Variants in SNTG1 observed in about 807,000 individuals in gnomAD.
SNTG1 encodes syntrophin gamma 1.
A neutral mutation model predicts 74.7 loss-of-function variants in SNTG1; 39 were observed. The ratio of observed to expected loss-of-function variants is 0.52; its 90% CI spans 0.40 to 0.68. The LOEUF is 0.68. Ranked by LOEUF, SNTG1 falls within the 30% of genes least tolerant of loss-of-function variation. The pLI, the probability that SNTG1 is intolerant of heterozygous loss-of-function variation, is 0.00. For synonymous variants in SNTG1, 254 were observed against 217.1 expected (o/e 1.17, Z -1.49); for missense variants, 685 against 609.5 (o/e 1.12, Z -1.30).
intron 2 of SNTG1, among the ~76,000 whole-genome samples, chr8:50,374,200 C>T (rs2092328348): frequency 6.6e-6 from 1 of 152,146 alleles, no homozygotes; most frequent in Admixed American, 6.5e-5. Flanking sequence ...TCTTAAATTC[C>T]CTTTAGGCAA....
intron 15 of SNTG1, among the ~76,000 whole-genome samples, chr8:50,686,990 C>T (rs1215537769): frequency 2.0e-5 from 3 of 150,850 alleles, no homozygotes; most frequent in African/African-American, 7.3e-5. Context: ...AAAAAATTAG[C>T]CGGGCGCAGT....
chr8:49,927,145 T>C lies in SNTG1; in HGVS notation c.-103+14914T>C, dbSNP rs1386674077. Among the ~76,000 whole-genome samples the C allele has an allele frequency of 3.3e-5, 5 of 152,300 alleles. No individual in the cohort carries two copies. In the East Asian group the frequency reaches 9.6e-4, roughly 29 times the overall value. ...ATGTGGGGAAACAGAAACTTATCCA[T>C]TGCTGGTAGAAATGCAAAATGGTAG... On this transcript the variant is annotated intron_variant, in intron 1 of 18. Transcript: ENST00000642720.
intron 2 of SNTG1, among the ~76,000 whole-genome samples, chr8:50,184,363 A>C (rs1363844906): frequency 6.6e-6 from 1 of 151,950 alleles, no homozygotes; most frequent in Non-Finnish European, 1.5e-5. Context: ...ACAGGGTTTC[A>C]CCATGTTGGT....
chr8:50,065,819 A>C (rs530980234), intron 1 of SNTG1, among the ~76,000 whole-genome samples: 1 of 152,140 alleles, frequency 6.6e-6, no homozygotes, highest in Non-Finnish European at 1.5e-5. Flanking sequence ...TAAATCCACT[A>C]CCTTCCTAAT....
chr8:50,608,280 A>T (rs2094827004), intron 13 of SNTG1, among the ~76,000 whole-genome samples: 1 of 151,678 alleles, frequency 6.6e-6, no homozygotes, highest in Admixed American at 6.6e-5. Flanking sequence ...TTTTTCTATC[A>T]ATTATTATGA....
chr8:49,925,627 C>G (rs144167082), intron 1 of SNTG1, among the ~76,000 whole-genome samples: 28 of 152,326 alleles, frequency 1.8e-4, no homozygotes, highest in African/African-American at 6.5e-4. Context: ...CTGGAAACCA[C>G]TGTTCTGCTC....
At chr8:50,006,851 G>A (rs190671958) in intron 1 of SNTG1, among the ~76,000 whole-genome samples, 43 of 152,276 alleles carry the variant, frequency 2.8e-4, no homozygotes, top group African/African-American at 1.0e-3. Flanking sequence ...AGTTGAAAAA[G>A]TGGAATGATG....
At chr8:50,278,755 A>C (rs1563836031) in intron 2 of SNTG1, among the ~76,000 whole-genome samples, 1 of 152,136 alleles carries the variant, frequency 6.6e-6, no homozygotes, top group Non-Finnish European at 1.5e-5. Context: ...AAGTACAGTT[A>C]CATATCTAAA....
chr8:50,286,154 T>A (rs1357216057), intron 2 of SNTG1, among the ~76,000 whole-genome samples: 1 of 152,180 alleles, frequency 6.6e-6, no homozygotes, highest in Admixed American at 6.6e-5. Flanking sequence ...TATGTGTGCC[T>A]TATGATTGAG....
chr8:50,780,514 A>G (rs2095655866), intron 18 of SNTG1, among the ~76,000 whole-genome samples: 1 of 152,032 alleles, frequency 6.6e-6, no homozygotes. Context: ...GTATTCTCTG[A>G]TGGTAGTTTG....
At chr8:50,371,777 A>G (rs1408206925) in intron 2 of SNTG1, among the ~76,000 whole-genome samples, 1 of 152,198 alleles carries the variant, frequency 6.6e-6, no homozygotes, top group East Asian at 1.9e-4. Flanking sequence ...TGACCCTTTT[A>G]TCGTTACATC....
At chr8:50,559,749 G>A (rs143357453) in intron 12 of SNTG1, among the ~76,000 whole-genome samples, 42 of 152,054 alleles carry the variant, frequency 2.8e-4, no homozygotes, top group Middle Eastern at 3.4e-3. Context: ...AGACCTAAAC[G>A]TAAAACCCAA....
chr8:50,674,767 T>C (rs555752456), intron 15 of SNTG1, among the ~76,000 whole-genome samples: 4 of 152,204 alleles, frequency 2.6e-5, no homozygotes, highest in East Asian at 3.9e-4. Flanking sequence ...AGGGTGTAGA[T>C]TTGAGATCTT....
At chr8:50,049,042 A>G (rs1239641290) in intron 1 of SNTG1, among the ~76,000 whole-genome samples, 1 of 152,054 alleles carries the variant, frequency 6.6e-6, no homozygotes, top group East Asian at 1.9e-4. Flanking sequence ...AATTAAAAAT[A>G]AAATTATATA....
At chr8:50,567,121 C>T (rs2094520587) in intron 12 of SNTG1, among the ~76,000 whole-genome samples, 3 of 152,164 alleles carry the variant, frequency 2.0e-5, no homozygotes. Context: ...GTTGATGAAA[C>T]TGGACAAAAT....
intron 4 of SNTG1, among the ~76,000 whole-genome samples, chr8:50,431,586 A>G (rs189218441): frequency 3.3e-5 from 5 of 152,292 alleles, no homozygotes. Flanking sequence ...CCCAGATCAT[A>G]TGTTAAGACT....
rs2095701248 is a variant in SNTG1, at chr8:50,794,940, T to C, written c.*2111T>C. The C allele has an allele frequency of 6.6e-6, 1 of 152,048 alleles. No homozygotes were observed. 9.4% of individuals were successfully genotyped at this position (152,048 alleles called of 1,614,324 possible). ...ATTAGCTATCTTTTTAGTGTTATTA[T>C]GAAAATTTAGCCTATGCTCATGTGT... On this transcript the variant is annotated 3_prime_UTR_variant, in exon 19 of 19. Transcript: ENST00000642720.
chr8:50,704,755 G>T lies in SNTG1; in HGVS notation c.1191+3G>T, dbSNP rs201831443. 1.3e-3 allele frequency: 2,165 copies of T among 1,613,842 alleles called. 4 individuals are homozygous for T. Among genetic ancestry groups the T allele is most frequent in the Non-Finnish European group, 1.7e-3 (2,005 of 1,179,960 alleles). ...TTCTAGAAGTAGAACGGATACAGGT[G>T]AGAGTCTGTGGGACTGCAGGATGTG... is the stretch of plus-strand genomic sequence containing the variant. On this transcript the variant is annotated splice_donor_region_variant and intron_variant, in intron 16 of 18. Transcript: ENST00000642720.
intron 2 of SNTG1, among the ~76,000 whole-genome samples, chr8:50,219,957 C>A (rs575717856): frequency 3.9e-5 from 6 of 152,102 alleles, no homozygotes; most frequent in Non-Finnish European, 7.4e-5. Context: ...TTTAATTCAC[C>A]AGGAGGGGAG....
Sources: gnomAD v4.1 joint callset for allele counts (sites outside exome capture counted in the v4.1 genomes callset) on GRCh38, gnomAD v4.1.1 for gene constraint, MANE v1.5 for transcripts, NCBI Gene and HGNC (gene_info 2026-07-23, HGNC 2026-07-21) for gene names.